The following CAPZB variants were observed in gnomAD, a reference collection of about 807,000 sequenced individuals.
CAPZB encodes capping actin protein of muscle Z-line subunit beta, also known as F-actin-capping protein subunit beta.
Under a neutral mutation model 38.1 loss-of-function variants are expected in CAPZB, and 2 were observed. The observed-to-expected ratio is 0.05, with a 90% CI of 0.02 to 0.17. CAPZB has a LOEUF of 0.17. Among genes scored for constraint, CAPZB ranks in the 10% least tolerant of loss-of-function variants. The pLI is 1.00. For missense variants in CAPZB, 161 were observed against 334.2 expected, an observed-to-expected ratio of 0.48 and a Z score of 4.04; for synonymous variants, 107 against 127.4, an observed-to-expected ratio of 0.84 and a Z score of 1.08.
chr1:19,349,992 T>C lies in CAPZB; in HGVS notation c.589-4740A>G, dbSNP rs147760324. On this transcript the variant is annotated intron_variant, in intron 6 of 8. Coordinates refer to ENST00000264202, the MANE Select transcript of CAPZB (RefSeq NM_004930.5). ...AGTGGCTGCCGGAAGGAAAACATTT[T>C]CATGTGTTGTGGCTGCAGATGTTCC... Among the ~76,000 whole-genome samples, 380 of 152,348 alleles carry C rather than the reference T, an allele frequency of 2.5e-3. 1 individual carries two copies. Among genetic ancestry groups the C allele is most frequent in the African/African-American group, 8.8e-3 (367 of 41,584 alleles).
intron 8 of CAPZB, chr1:19,342,703 G>GT (rs2093937093): frequency 8.4e-7 from 1 of 1,195,322 alleles, no homozygotes; most frequent in Non-Finnish European, 1.2e-6. Flanking sequence ...CGGCGGGTTG[G>GT]TGAGTCCTGT....
chr1:19,451,978 C>T (rs1416348607), intron 1 of CAPZB, among the ~76,000 whole-genome samples: 1 of 151,920 alleles, frequency 6.6e-6, no homozygotes, highest in East Asian at 1.9e-4. Flanking sequence ...TATTTCTCTC[C>T]ACCCAAGTAC....
At chr1:19,346,784 C>T (rs1460167195) in intron 6 of CAPZB, among the ~76,000 whole-genome samples, 1 of 149,976 alleles carries the variant, frequency 6.7e-6, no homozygotes, top group Non-Finnish European at 1.5e-5. Flanking sequence ...AAATCCTTGA[C>T]ACTGGGGGCG....
rs149695937 is a variant in CAPZB at position 19,421,919 on chromosome 1, T to C, written c.4-2169A>G. 1.2e-3 allele frequency among the ~76,000 whole-genome samples: 190 copies of C among 152,284 alleles called. 1 individual carries two copies. Among genetic ancestry groups the C allele is most frequent in the African/African-American group, 4.5e-3 (187 of 41,552 alleles). On this transcript the variant is annotated intron_variant, in intron 1 of 8. Coordinates refer to ENST00000264202, the MANE Select transcript of CAPZB (RefSeq NM_004930.5). Reference sequence around the variant, plus strand: ...AATAAACATACAGCTTTTAAATCTTTTTAAAAATTTTAAATGATTCCCCTG... The same window carrying C: ...AATAAACATACAGCTTTTAAATCTTCTTAAAAATTTTAAATGATTCCCCTG...
rs1163831475 is a variant in CAPZB, at chr1:19,400,360, C to T, written c.94-14734G>A. Among the ~76,000 whole-genome samples, 3 of 152,290 alleles carry T rather than the reference C, an allele frequency of 2.0e-5. No individual in the cohort carries two copies. The South Asian group carries it at 6.2e-4, about 32-fold the overall frequency. On this transcript the variant is annotated intron_variant, in intron 2 of 8. Coordinates refer to ENST00000264202, the MANE Select transcript of CAPZB (RefSeq NM_004930.5). ...GACACGCAGGCTCCTCTGGGCTTCC[C>T]GGCCCACATTCCTGGCCTATTTCAA...
At chr1:19,456,112 A>G (rs2094532400) in intron 1 of CAPZB, among the ~76,000 whole-genome samples, 1 of 152,150 alleles carries the variant, frequency 6.6e-6, no homozygotes, top group African/African-American at 2.4e-5. Context: ...GAGTTTTGCC[A>G]TGTTGGCCAG....
At chr1:19,476,102 T>TC (rs2094605461) in intron 1 of CAPZB, among the ~76,000 whole-genome samples, 1 of 152,046 alleles carries the variant, frequency 6.6e-6, no homozygotes, top group African/African-American at 2.4e-5. Flanking sequence ...GGCGGGAGGA[T>TC]CCCTTGAGCC....
intron 1 of CAPZB, among the ~76,000 whole-genome samples, chr1:19,472,091 G>A (rs765454425): frequency 2.0e-5 from 3 of 152,184 alleles, no homozygotes; most frequent in African/African-American, 4.8e-5. Flanking sequence ...AAAAGGACAA[G>A]GGTATTCTAG....
chr1:19,359,292 A>C (rs1367366755), intron 4 of CAPZB, among the ~76,000 whole-genome samples: 1 of 148,382 alleles, frequency 6.7e-6, no homozygotes, highest in Non-Finnish European at 1.5e-5. Context: ...AAATCAGTAC[A>C]CGAATACACC....
chr1:19,350,810 G>A lies in CAPZB; in HGVS notation c.589-5558C>T, dbSNP rs117511027. On this transcript the variant is annotated intron_variant, in intron 6 of 8. Coordinates refer to ENST00000264202, the MANE Select transcript of CAPZB (RefSeq NM_004930.5). ...TTTGTATTTTTTGTAGAGAGATGGG[G>A]TCTTACTTTGTTGCCCAGGCTGGTC... 1.1e-4 allele frequency among the ~76,000 whole-genome samples: 17 copies of A among 152,208 alleles called. No individual in the cohort carries two copies. In the East Asian group the frequency reaches 1.9e-3, roughly 17 times the overall value.
chr1:19,444,947 T>C (rs2094491318), intron 1 of CAPZB, among the ~76,000 whole-genome samples: 1 of 152,112 alleles, frequency 6.6e-6, no homozygotes, highest in African/African-American at 2.4e-5. Flanking sequence ...CTCACCACGT[T>C]GGCCAGGCTG....
chr1:19,450,646 G>C (rs2100694453), intron 1 of CAPZB, among the ~76,000 whole-genome samples: 2 of 95,818 alleles, frequency 2.1e-5, no homozygotes, highest in African/African-American at 7.3e-5. Context: ...CTGGAAGCCT[G>C]GTTCCAGAGA....
chr1:19,464,613 A>G (rs2094563288), intron 1 of CAPZB, among the ~76,000 whole-genome samples: 1 of 152,154 alleles, frequency 6.6e-6, no homozygotes, highest in South Asian at 2.1e-4. Context: ...GATTTATAAC[A>G]GATTTACTCT....
intron 4 of CAPZB, among the ~76,000 whole-genome samples, chr1:19,376,791 C>T (rs1218645879): frequency 2.0e-5 from 3 of 152,190 alleles, no homozygotes; most frequent in South Asian, 2.1e-4. Flanking sequence ...AGCAAGCACC[C>T]GGCTCATGGG....
intron 1 of CAPZB, among the ~76,000 whole-genome samples, chr1:19,420,483 C>T (rs896275370): frequency 6.6e-6 from 1 of 151,984 alleles, no homozygotes; most frequent in African/African-American, 2.4e-5. Context: ...GTGGCATGAT[C>T]TTGGCTCCCT....
rs753308326 is a variant in CAPZB at position 19,357,415 on chromosome 1, G to C, written c.471+7C>G. The C allele has an allele frequency of 2.9e-5, 46 of 1,613,404 alleles. No individual in the cohort carries two copies. Among genetic ancestry groups the C allele is most frequent in the Non-Finnish European group, 3.8e-5 (45 of 1,179,900 alleles). ...GGCCCGGGCCACCAGCTGCTGGGAG[G>C]CAGTACCTGCACTTCTACCACGTGG... On this transcript the variant is annotated splice_region_variant and intron_variant, in intron 5 of 8. Transcript: ENST00000264202. The surrounding 1 kb of genome is among the most constrained non-coding windows in gnomAD (Gnocchi z 4.3).
At chr1:19,399,935 T>C (rs1450030619) in intron 2 of CAPZB, among the ~76,000 whole-genome samples, 2 of 152,152 alleles carry the variant, frequency 1.3e-5, no homozygotes, top group African/African-American at 2.4e-5. Context: ...AACTGTGGAC[T>C]GCCCAGCTCT....
chr1:19,484,389 C>G (rs1350048403), intron 1 of CAPZB: 1 of 1,532,550 alleles, frequency 6.5e-7, no homozygotes, highest in East Asian at 2.5e-5. Context: ...ATCCTCGCCC[C>G]TCGGCTCCCA....
intron 1 of CAPZB, among the ~76,000 whole-genome samples, chr1:19,471,635 T>C (rs184480350): frequency 1.2e-3 from 185 of 152,022 alleles, no homozygotes; most frequent in African/African-American, 3.9e-3. Context: ...GAGGTCAAGG[T>C]GGGCAGATCA....
Sources: allele counts gnomAD v4.1 joint callset (sites outside exome capture counted in the v4.1 genomes callset), GRCh38; gene constraint gnomAD v4.1.1; non-coding constraint Gnocchi (gnomAD v3.1); transcripts MANE v1.5; gene names NCBI Gene and HGNC (gene_info 2026-07-23, HGNC 2026-07-21).